SDK1: variants seen among roughly 807,000 people sequenced by gnomAD.
SDK1 encodes sidekick cell adhesion molecule 1.
A neutral mutation model predicts 245.5 loss-of-function variants in SDK1; 157 were observed. The ratio of observed to expected loss-of-function variants is 0.64; its 90% CI spans 0.56 to 0.73. SDK1 has a LOEUF of 0.73. Among genes scored for constraint, SDK1 ranks in the 30% least tolerant of loss-of-function variants. SDK1 has a pLI of 0.00. For synonymous variants in SDK1, 1,647 were observed against 1,278.5 expected, an observed-to-expected ratio of 1.29 and a Z score of -6.15; for missense variants, 3,583 against 3,002.3, an observed-to-expected ratio of 1.19 and a Z score of -4.52.
chr7:3,438,209 A>T (rs926019545), intron 1 of SDK1, among the ~76,000 whole-genome samples: 5 of 152,156 alleles, frequency 3.3e-5, no homozygotes, highest in Non-Finnish European at 7.4e-5. Context: ...ACTAAACTGA[A>T]CGTTTGCTGC....
intron 25 of SDK1, among the ~76,000 whole-genome samples, chr7:4,124,976 T>C (rs1784287598): frequency 6.8e-6 from 1 of 147,342 alleles, no homozygotes; most frequent in Non-Finnish European, 1.5e-5. Context: ...GATGATTGGA[T>C]GTATGGATGG....
At chr7:3,592,160 G>A (rs150705480) in intron 1 of SDK1, among the ~76,000 whole-genome samples, 6 of 152,118 alleles carry the variant, frequency 3.9e-5, no homozygotes, top group African/African-American at 1.2e-4. Context: ...TTGACTGACC[G>A]CCTGCTGATA....
At chr7:3,843,017 G>A (rs1415121711) in intron 5 of SDK1, among the ~76,000 whole-genome samples, 1 of 152,072 alleles carries the variant, frequency 6.6e-6, no homozygotes, top group Non-Finnish European at 1.5e-5. Context: ...CCTAACGCCC[G>A]TCAGTCCGTC....
chr7:3,698,267 C>T lies in SDK1; in HGVS notation c.713+56162C>T, dbSNP rs192324768. On this transcript the variant is annotated intron_variant, in intron 4 of 44. Coordinates refer to ENST00000404826, the MANE Select transcript of SDK1 (RefSeq NM_152744.4). Reference sequence around the variant, plus strand: ...CTGAGCAGGGAGCTTAGACTTTCAGCGTGACCCCCATCAGAATGGTAAGAA... The same window carrying T: ...CTGAGCAGGGAGCTTAGACTTTCAGTGTGACCCCCATCAGAATGGTAAGAA... Among the ~76,000 whole-genome samples, 61 of 152,288 alleles carry T rather than the reference C, an allele frequency of 4.0e-4. 1 individual carries two copies. In the East Asian group the frequency reaches 9.5e-3, roughly 24 times the overall value.
At chr7:3,322,962 G>A (rs116113784) in intron 1 of SDK1, among the ~76,000 whole-genome samples, 3,407 of 151,988 alleles carry the variant, frequency 0.022, 138 homozygotes, top group African/African-American at 0.077. Context: ...GGTGTGTGCC[G>A]CCACACCTGG....
At chr7:3,945,935 A>G (rs1304814057) in intron 5 of SDK1, among the ~76,000 whole-genome samples, 3 of 130,130 alleles carry the variant, frequency 2.3e-5, no homozygotes, top group Non-Finnish European at 3.3e-5. Context: ...AAAAAAAAAG[A>G]TAAAGTTTGA....
Position 3,959,017 on chromosome 7 carries a change from G to A in SDK1, c.1234+3G>A, listed in dbSNP as rs1489240872. ...GGACATCGGATGTCAAGCCATGGGT[G>A]AGTGCAGAGTGGCTGCTGGACAAGG... is the stretch of plus-strand genomic sequence containing the variant. On this transcript the variant is annotated splice_donor_region_variant and intron_variant, in intron 8 of 44. Transcript: ENST00000404826. 12 of 1,607,778 alleles carry A rather than the reference G, an allele frequency of 7.5e-6. No individual in the cohort carries two copies. The highest frequency in any genetic ancestry group is 2.7e-5 in the African/African-American group (2 of 74,782).
chr7:3,481,368 T>G (rs10499335), intron 1 of SDK1, among the ~76,000 whole-genome samples: 125 of 152,014 alleles, frequency 8.2e-4, no homozygotes, highest in African/African-American at 2.8e-3. Flanking sequence ...TTTCGTTTAT[T>G]GAGTGTGATA....
At chr7:3,343,671 TGTA>T (rs1259699741) in intron 1 of SDK1, among the ~76,000 whole-genome samples, 1 of 152,160 alleles carries the variant, frequency 6.6e-6, no homozygotes, top group Non-Finnish European at 1.5e-5. Context: ...ATGGGATCTC[TGTA>T]GTATTTCTTA....
intron 4 of SDK1, among the ~76,000 whole-genome samples, chr7:3,680,730 T>C (rs1408535928): frequency 6.6e-6 from 1 of 152,244 alleles, no homozygotes; most frequent in Non-Finnish European, 1.5e-5. Flanking sequence ...ACCTGTGGCA[T>C]CTGAGAATCC....
intron 28 of SDK1, among the ~76,000 whole-genome samples, chr7:4,135,053 T>A (rs958340645): frequency 6.6e-6 from 1 of 152,202 alleles, no homozygotes; most frequent in African/African-American, 2.4e-5. Context: ...CTGGTGAGGC[T>A]TCTCCTCAGC....
intron 1 of SDK1, among the ~76,000 whole-genome samples, chr7:3,488,240 C>G (rs1356530066): frequency 6.6e-6 from 1 of 152,156 alleles, no homozygotes; most frequent in Non-Finnish European, 1.5e-5. Context: ...TGTGTCTTTT[C>G]CTCTAATTAT....
rs1179864802 is a variant in SDK1, at chr7:4,026,109, C to A, written c.2602+8757C>A. ...GGACACGCCAGGCCGCAGCGCTGGT[C>A]TTCCACAGTCCCCATGCTGTATGGA... On this transcript the variant is annotated intron_variant, in intron 17 of 44. Coordinates refer to ENST00000404826, the MANE Select transcript of SDK1 (RefSeq NM_152744.4). The surrounding 1 kb of genome is among the most constrained non-coding windows in gnomAD (Gnocchi z 4.1). Among the ~76,000 whole-genome samples, 5 of 152,248 alleles carry A rather than the reference C, an allele frequency of 3.3e-5. No individual in the cohort carries two copies. Among genetic ancestry groups the A allele is most frequent in the Admixed American group, 3.3e-4 (5 of 15,286 alleles).
chr7:3,788,157 C>T lies in SDK1; in HGVS notation c.714-33293C>T, dbSNP rs532975864. Among the ~76,000 whole-genome samples the T allele has an allele frequency of 8.5e-5, 13 of 152,306 alleles. No homozygotes were observed. In the South Asian group the frequency reaches 2.5e-3, roughly 29 times the overall value. ...GGAAGCCACTCTGCACTCACTGGCT[C>T]TGGGAGAGAGTGCTCGGGCACCAGC... On this transcript the variant is annotated intron_variant, in intron 4 of 44. Coordinates refer to ENST00000404826, the MANE Select transcript of SDK1 (RefSeq NM_152744.4).
intron 1 of SDK1, among the ~76,000 whole-genome samples, chr7:3,450,136 G>C (rs1184575368): frequency 1.3e-5 from 2 of 152,194 alleles, no homozygotes; most frequent in African/African-American, 2.4e-5. Flanking sequence ...AAATGTGTGT[G>C]GTAAAGTCCG....
chr7:3,429,241 A>AAAGG (rs10693644), intron 1 of SDK1, among the ~76,000 whole-genome samples: 2 of 151,432 alleles, frequency 1.3e-5, no homozygotes, highest in Non-Finnish European at 3.0e-5. Context: ...ATATGATAAA[A>AAAGG]GGCTTTTTTT....
At chr7:3,919,844 G>C (rs1779525704) in intron 5 of SDK1, among the ~76,000 whole-genome samples, 2 of 152,116 alleles carry the variant, frequency 1.3e-5, no homozygotes, top group African/African-American at 4.8e-5. Flanking sequence ...CTCAGACACA[G>C]ACTTGGACCT....
chr7:4,021,152 TG>T (rs1189432546), intron 17 of SDK1, among the ~76,000 whole-genome samples: 5 of 152,178 alleles, frequency 3.3e-5, no homozygotes, highest in Admixed American at 6.5e-5. Context: ...GGAAGATATC[TG>T]GTGTGTCATC....
chr7:3,795,559 C>A (rs73308024), intron 4 of SDK1, among the ~76,000 whole-genome samples: 3 of 152,132 alleles, frequency 2.0e-5, no homozygotes, highest in Admixed American at 2.0e-4. Context: ...TTCCTTTTAC[C>A]CCTCACTGTA....
Sources: gnomAD v4.1 joint callset for allele counts (sites outside exome capture counted in the v4.1 genomes callset) on GRCh38, gnomAD v4.1.1 for gene constraint, Gnocchi (gnomAD v3.1) non-coding constraint, MANE v1.5 for transcripts, NCBI Gene and HGNC (gene_info 2026-07-23, HGNC 2026-07-21) for gene names.